Variants in RPGRIP1L observed in about 807,000 individuals in gnomAD.
The protein encoded by RPGRIP1L is protein fantom.
A neutral mutation model predicts 160.4 loss-of-function variants in RPGRIP1L; 131 were observed. The ratio of observed to expected loss-of-function variants is 0.82; its 90% CI spans 0.71 to 0.94. The LOEUF (loss-of-function observed/expected upper bound fraction) is 0.94. RPGRIP1L is among the 40% of genes least tolerant of loss of function. The probability of loss-of-function intolerance (pLI) is 0.00; values close to 1 mark genes in which losing one functional copy is unlikely to be tolerated. For synonymous variants in RPGRIP1L, 510 were observed against 515.8 expected (o/e 0.99, Z 0.15); for missense variants, 1,522 against 1,535.8 (o/e 0.99, Z 0.15).
rs1429564058 is a variant in RPGRIP1L at position 53,603,484 on chromosome 16, A to G, written c.3836-1296T>C. Among the ~76,000 whole-genome samples, 3 of 152,080 alleles carry G rather than the reference A, an allele frequency of 2.0e-5. No homozygotes were observed. The East Asian group carries it at 5.8e-4, about 29-fold the overall frequency. ...GCTGGGACTACAGTTGGGCACCATC[A>G]TGCCCAGCTAACTTATATATTTTCT... On this transcript the variant is annotated intron_variant, in intron 26 of 26. Coordinates refer to ENST00000647211, the MANE Select transcript of RPGRIP1L (RefSeq NM_015272.5).
At chr16:53,625,664 C>T (rs1001773773) in intron 22 of RPGRIP1L, among the ~76,000 whole-genome samples, 2 of 152,074 alleles carry the variant, frequency 1.3e-5, no homozygotes, top group African/African-American at 4.8e-5. Flanking sequence ...TCATTGAGAA[C>T]GGGCCATGAT....
intron 4 of RPGRIP1L, among the ~76,000 whole-genome samples, chr16:53,690,417 C>T (rs1219957952): frequency 6.6e-6 from 1 of 152,020 alleles, no homozygotes; most frequent in Admixed American, 6.6e-5. Context: ...AGGATGGTCT[C>T]CATCTCCTGA....
intron 19 of RPGRIP1L, among the ~76,000 whole-genome samples, chr16:53,640,464 G>T (rs954101463): frequency 6.6e-6 from 1 of 152,138 alleles, no homozygotes; most frequent in African/African-American, 2.4e-5. Context: ...TTGAGAAGAC[G>T]TCTGAGGATT....
chr16:53,630,262 C>G (rs1965439324), intron 22 of RPGRIP1L, among the ~76,000 whole-genome samples: 1 of 152,106 alleles, frequency 6.6e-6, no homozygotes, highest in Admixed American at 6.6e-5. Flanking sequence ...ATTGCCCAGG[C>G]TGGTCCTGAA....
At chr16:53,678,382 T>C (rs1383424078) in intron 6 of RPGRIP1L, among the ~76,000 whole-genome samples, 1 of 152,170 alleles carries the variant, frequency 6.6e-6, no homozygotes, top group Non-Finnish European at 1.5e-5. Context: ...GACTCCAGCT[T>C]TGCTACTGGG....
Position 53,671,590 on chromosome 16 carries a change from T to C in RPGRIP1L, c.1030-7A>G, listed in dbSNP as rs2151236913. On this transcript the variant is annotated splice_polypyrimidine_tract_variant and splice_region_variant and intron_variant, in intron 8 of 26. Transcript: ENST00000647211. ...CATTAATTCTATCCTGCAGCTAAAATGAAAATAAAATTACATATTAAGTAA... is the reference window on the plus strand; with the variant it reads ...CATTAATTCTATCCTGCAGCTAAAACGAAAATAAAATTACATATTAAGTAA... 6.8e-7 allele frequency: 1 copy of C among 1,459,970 alleles called. No individual in the cohort carries two copies. Among genetic ancestry groups the C allele is most frequent in the Non-Finnish European group, 9.5e-7 (1 of 1,049,432 alleles). 90.4% of individuals were successfully genotyped at this position (1,459,970 alleles called of 1,614,324 possible). A position where few individuals can be genotyped will look rare whatever the true frequency, so the allele number is the denominator to read the frequency against.
intron 15 of RPGRIP1L, 42 bp from the exon 16 acceptor site, chr16:53,649,157 C>A: frequency 6.4e-7 from 1 of 1,554,744 alleles, no homozygotes; most frequent in Non-Finnish European, 8.9e-7. Flanking sequence ...TAGTTTCATA[C>A]ATTAAAATAG....
rs144313291 is a variant in RPGRIP1L at position 53,641,066 on chromosome 16, T to C, written c.2925A>G (p.Val975=). The change falls in exon 19 of 27, where the codon GTA becomes GTG. Residue 975 remains valine (V), a synonymous_variant. Transcript: ENST00000647211. ...GATGTGGCATGATATCCACGAAAGA[T>C]ACCTTCTTATCTACAGGTGTTAAAC... ...RQRLTPVDKK[V]SFVDIMPHQS... The C allele has an allele frequency of 6.3e-3, 10,207 of 1,613,756 alleles. 58 individuals carry two copies. The highest frequency in any genetic ancestry group is 7.1e-3 in the Non-Finnish European group (8,398 of 1,179,704).
intron 9 of RPGRIP1L, among the ~76,000 whole-genome samples, chr16:53,670,830 C>G (rs1195641529): frequency 6.6e-6 from 1 of 152,150 alleles, no homozygotes; most frequent in Non-Finnish European, 1.5e-5. Flanking sequence ...CGCAGTGGCT[C>G]ACCCCTGTAA....
chr16:53,643,859 G>A (rs956092578), intron 17 of RPGRIP1L, among the ~76,000 whole-genome samples: 1 of 152,050 alleles, frequency 6.6e-6, no homozygotes, highest in Non-Finnish European at 1.5e-5. Context: ...AAAATGTACT[G>A]CATACACAGC....
intron 4 of RPGRIP1L, among the ~76,000 whole-genome samples, chr16:53,690,928 A>T (rs75020293): frequency 0.016 from 2,383 of 152,254 alleles, 60 homozygotes; most frequent in African/African-American, 0.054. Context: ...TTCAGAGTCT[A>T]CTGCCAATCT....
rs1598321534 is a variant in RPGRIP1L, at chr16:53,649,218, A to C, written c.2153-103T>G. 56 of 918,550 alleles carry C rather than the reference A, an allele frequency of 6.1e-5. No individual in the cohort carries two copies. In the East Asian group the frequency reaches 1.4e-3, roughly 23 times the overall value. The allele number at this position is 918,550 out of a possible 1,614,324, so 56.9% of individuals were successfully genotyped here. On this transcript the variant is annotated intron_variant, in intron 15 of 26. Coordinates refer to ENST00000647211, the MANE Select transcript of RPGRIP1L (RefSeq NM_015272.5). The stretch of plus-strand genomic sequence containing the variant: ...ATTATGCATTAAAACTATACATTTT[A>C]TGCTGAGTAAAATAATATGACTTGC...
chr16:53,622,989 C>A (rs957769607), intron 22 of RPGRIP1L, among the ~76,000 whole-genome samples: 3 of 152,046 alleles, frequency 2.0e-5, no homozygotes, highest in African/African-American at 7.2e-5. Flanking sequence ...GCCTGGGTGA[C>A]AGGGTGAGAC....
intron 24 of RPGRIP1L, among the ~76,000 whole-genome samples, chr16:53,613,139 G>A (rs8053754): frequency 0.11 from 16,269 of 151,962 alleles, 2,089 homozygotes; most frequent in African/African-American, 0.31. Context: ...ACCACATTTT[G>A]TTTATCCACT....
chr16:53,701,586 C>A (rs1176076197), intron 1 of RPGRIP1L: 1 of 150,966 alleles, frequency 6.6e-6, no homozygotes. Flanking sequence ...TACATGCAAA[C>A]TGTGAATGAA....
chr16:53,641,545 G>T, intron 17 of RPGRIP1L, 70 bp from the exon 18 acceptor site: 1 of 1,332,914 alleles, frequency 7.5e-7, no homozygotes, highest in Non-Finnish European at 1.1e-6. Context: ...AAAGAACAAA[G>T]AACTACTCCC....
At chr16:53,607,973 G>A (rs1229357709) in intron 25 of RPGRIP1L, 2 of 984,934 alleles carry the variant, frequency 2.0e-6, no homozygotes, top group African/African-American at 1.7e-5. Context: ...CTGGAAGAAC[G>A]CTTACAGTCT....
At position 53,661,229 on chromosome 16, in the gene RPGRIP1L, G is replaced by A. The variant is rs534059958; in HGVS notation, c.1244-2351C>T. On this transcript the variant is annotated intron_variant, in intron 10 of 26. Transcript: ENST00000647211. ...TAAGAATTGCTTGAACCTGGGAGGC[G>A]GAGGTTGTGGTGAGCCGAGATCGCA... Among the ~76,000 whole-genome samples, 12 of 149,846 alleles carry A rather than the reference G, an allele frequency of 8.0e-5. No homozygotes were observed. The East Asian group carries it at 1.6e-3, about 20-fold the overall frequency.
chr16:53,633,806 T>C (rs1965669357), intron 22 of RPGRIP1L, among the ~76,000 whole-genome samples: 1 of 152,198 alleles, frequency 6.6e-6, no homozygotes, highest in Admixed American at 6.5e-5. Context: ...ACTTAAAATC[T>C]ATGAATCCAG....
Sources: gnomAD v4.1 joint callset for allele counts (sites outside exome capture counted in the v4.1 genomes callset) on GRCh38, gnomAD v4.1.1 for gene constraint, MANE v1.5 for transcripts, NCBI Gene and HGNC (gene_info 2026-07-23, HGNC 2026-07-21) for gene names.